The following RPS6KC1 variants were observed in gnomAD, a reference collection of about 807,000 sequenced individuals.
RPS6KC1 encodes the protein ribosomal protein S6 kinase C1.
RPS6KC1 carries 54 observed loss-of-function variants against 103.8 expected under a neutral mutation model. That is an observed-to-expected ratio of 0.52 (90% confidence interval 0.42 to 0.65). RPS6KC1 has a LOEUF of 0.65. Among genes scored for constraint, RPS6KC1 ranks in the 30% least tolerant of loss-of-function variants. RPS6KC1 has a pLI of 0.00. For synonymous variants in RPS6KC1, 439 were observed against 438.7 expected, an observed-to-expected ratio of 1.00 and a Z score of -0.01; for missense variants, 1,151 against 1,253.8, an observed-to-expected ratio of 0.92 and a Z score of 1.24.
the RPS6KC1 span, among the ~76,000 whole-genome samples, chr1:213,717,437 T>C: frequency 2.6e-5 from 4 of 152,204 alleles, no homozygotes; most frequent in Admixed American, 2.6e-4. Context: ...TGTGTGCAGT[T>C]AATGAGACCT....
chr1:213,354,733 C>T, the RPS6KC1 span, among the ~76,000 whole-genome samples: 1 of 152,166 alleles, frequency 6.6e-6, no homozygotes, highest in Non-Finnish European at 1.5e-5. Flanking sequence ...CAGTCCCACT[C>T]CTATGATAAT....
At chr1:213,146,295 A>G (rs2087819418) in intron 6 of RPS6KC1, among the ~76,000 whole-genome samples, 1 of 151,884 alleles carries the variant, frequency 6.6e-6, no homozygotes, top group Non-Finnish European at 1.5e-5. Flanking sequence ...TCATCTGTTA[A>G]TGGACACTTA....
chr1:213,844,653 A>T, the RPS6KC1 span, among the ~76,000 whole-genome samples: 1 of 152,216 alleles, frequency 6.6e-6, no homozygotes, highest in African/African-American at 2.4e-5. Context: ...AATAAGATAA[A>T]ATAAAAATCT....
chr1:213,131,845 T>C (rs1212418606), intron 6 of RPS6KC1, among the ~76,000 whole-genome samples: 8 of 152,224 alleles, frequency 5.3e-5, no homozygotes, highest in Non-Finnish European at 8.8e-5. Flanking sequence ...GAGTTTAAAA[T>C]GGGTATGAGT....
the RPS6KC1 span, among the ~76,000 whole-genome samples, chr1:213,826,553 T>G: frequency 6.6e-6 from 1 of 152,218 alleles, no homozygotes; most frequent in African/African-American, 2.4e-5. Context: ...GAAATGGAAA[T>G]GTGGGATTTT....
At chr1:213,414,394 C>A in the RPS6KC1 span, among the ~76,000 whole-genome samples, 1 of 152,164 alleles carries the variant, frequency 6.6e-6, no homozygotes, top group Non-Finnish European at 1.5e-5. Context: ...TGAGAACATA[C>A]TAGGTTGGAG....
chr1:213,711,720 T>C, the RPS6KC1 span, among the ~76,000 whole-genome samples: 1 of 152,230 alleles, frequency 6.6e-6, no homozygotes, highest in Non-Finnish European at 1.5e-5. Context: ...TTTGTTGGTG[T>C]TGATGCTGTT....
chr1:213,649,473 A>T, the RPS6KC1 span, among the ~76,000 whole-genome samples: 1 of 151,920 alleles, frequency 6.6e-6, no homozygotes, highest in Admixed American at 6.6e-5. Flanking sequence ...CCATTCTCAG[A>T]AGCGGCTGTG....
the RPS6KC1 span, among the ~76,000 whole-genome samples, chr1:213,651,896 T>G: frequency 1.3e-5 from 2 of 152,164 alleles, no homozygotes; most frequent in Non-Finnish European, 1.5e-5. Flanking sequence ...CCTGAGCTCC[T>G]GCCTTCATTT....
At chr1:213,694,461 T>C in the RPS6KC1 span, among the ~76,000 whole-genome samples, 1 of 152,192 alleles carries the variant, frequency 6.6e-6, no homozygotes, top group African/African-American at 2.4e-5. Context: ...AAAACTACAG[T>C]TCCTGTAAGC....
intron 14 of RPS6KC1, among the ~76,000 whole-genome samples, chr1:213,267,648 G>A (rs2094942742): frequency 2.0e-5 from 3 of 151,998 alleles, no homozygotes; most frequent in Non-Finnish European, 2.9e-5. Flanking sequence ...AAATGAAACT[G>A]TGTTTAAATT....
the RPS6KC1 span, among the ~76,000 whole-genome samples, chr1:213,500,962 A>G: frequency 6.6e-6 from 1 of 152,200 alleles, no homozygotes; most frequent in Non-Finnish European, 1.5e-5. Context: ...CCTAGCAATA[A>G]ACTTATTGAA....
the RPS6KC1 span, among the ~76,000 whole-genome samples, chr1:213,692,755 CA>C: frequency 2.9e-3 from 446 of 152,310 alleles, 2 homozygotes; most frequent in African/African-American, 0.01. Flanking sequence ...CCTACTCACC[CA>C]GCTCCTCCTG....
chr1:213,218,931 C>T (rs2093745910), intron 8 of RPS6KC1, among the ~76,000 whole-genome samples: 1 of 152,172 alleles, frequency 6.6e-6, no homozygotes, highest in African/African-American at 2.4e-5. Flanking sequence ...AAAACCTAGG[C>T]AATACCATTC....
the RPS6KC1 span, among the ~76,000 whole-genome samples, chr1:213,539,063 G>A: frequency 6.6e-6 from 1 of 152,188 alleles, no homozygotes; most frequent in Non-Finnish European, 1.5e-5. Flanking sequence ...GAAGATGCTC[G>A]ATGAATGCCT....
the RPS6KC1 span, among the ~76,000 whole-genome samples, chr1:213,353,271 C>T: frequency 2.6e-5 from 4 of 152,166 alleles, no homozygotes; most frequent in African/African-American, 9.7e-5. Flanking sequence ...TCCAAGAATG[C>T]CCATCCATTT....
At chr1:213,563,972 C>CTTTTTTTTTTTTT in the RPS6KC1 span, among the ~76,000 whole-genome samples, 2 of 134,398 alleles carry the variant, frequency 1.5e-5, no homozygotes, top group Non-Finnish European at 3.2e-5. Context: ...TTGCTTACCT[C>CTTTTTTTTTTTTT]TTTTTTTTTT....
chr1:213,814,766 G>C, the RPS6KC1 span, among the ~76,000 whole-genome samples: 20 of 152,274 alleles, frequency 1.3e-4, 1 homozygote, highest in Middle Eastern at 3.4e-3. Context: ...AGACATGAAG[G>C]CACAGCAAGG....
At chr1:213,846,789 C>T in the RPS6KC1 span, among the ~76,000 whole-genome samples, 1 of 152,078 alleles carries the variant, frequency 6.6e-6, no homozygotes, top group Non-Finnish European at 1.5e-5. Context: ...AATAATGATG[C>T]CATGATGAGC....
Sources: gnomAD v4.1 joint callset for allele counts (sites outside exome capture counted in the v4.1 genomes callset) on GRCh38, gnomAD v4.1.1 for gene constraint, MANE v1.5 for transcripts, NCBI Gene and HGNC (gene_info 2026-07-23, HGNC 2026-07-21) for gene names.